The following ABTB1 variants were observed in gnomAD, a reference collection of about 807,000 sequenced individuals.
ABTB1 encodes the protein ankyrin repeat and BTB domain containing 1, also known as ankyrin repeat and BTB/POZ domain-containing protein 1.
Under a neutral mutation model 57.1 loss-of-function variants are expected in ABTB1, and 45 were observed. The observed-to-expected ratio is 0.79, with a 90% CI of 0.62 to 1.01. The LOEUF (loss-of-function observed/expected upper bound fraction) is 1.01, where lower values mean the gene tolerates loss of function less well. Among genes scored for constraint, ABTB1 ranks in the 50% least tolerant of loss-of-function variants. The probability of loss-of-function intolerance (pLI) is 0.00; values close to 1 mark genes in which losing one functional copy is unlikely to be tolerated. For synonymous variants in ABTB1, 302 were observed against 275.4 expected (o/e 1.10, Z -0.95); for missense variants, 630 against 666.3 (o/e 0.95, Z 0.60).
At position 127,672,977 on chromosome 3, in the gene ABTB1, G is replaced by C; in HGVS notation, c.-49G>C. Reference sequence around the variant, plus strand: ...GAGCGTGTTTACATCCGCCGGGTGCGCGGCTTCGCCGCCCGAGGTCGTTCG... The same window carrying C: ...GAGCGTGTTTACATCCGCCGGGTGCCCGGCTTCGCCGCCCGAGGTCGTTCG... On this transcript the variant is annotated 5_prime_UTR_variant, in exon 1 of 12. Coordinates refer to ENST00000232744, the MANE Select transcript of ABTB1 (RefSeq NM_172027.3). The C allele has an allele frequency of 1.3e-6, 2 of 1,518,170 alleles. No homozygotes were observed. Among genetic ancestry groups the C allele is most frequent in the South Asian group, 1.2e-5 (1 of 82,986 alleles). 94.0% of individuals were successfully genotyped at this position (1,518,170 alleles called of 1,614,324 possible).
Position 127,676,585 on chromosome 3 carries a change from AC to A in ABTB1, c.526+9del. 6.2e-7 allele frequency: 1 copy of A among 1,613,554 alleles called. No homozygotes were observed. The highest frequency in any genetic ancestry group is 8.5e-7 in the Non-Finnish European group (1 of 1,179,936). ...CTGCTGCAGTACCTGTACACAGGTG[AC>A]CCCCTGGGTCCAGGGTAGGAGGAGA... On this transcript the variant is annotated splice_donor_5th_base_variant and intron_variant, in intron 6 of 11. Coordinates refer to ENST00000232744, the MANE Select transcript of ABTB1 (RefSeq NM_172027.3). This position sits in a 1 kb window ranked among gnomAD's most constrained non-coding sequence, Gnocchi z 5.4.
Position 127,676,281 on chromosome 3 carries a change from G to A in ABTB1, c.330G>A (p.Glu110=). Residue 110 remains glutamate (E), a synonymous_variant, in exon 5 of 12, where the codon GAG becomes GAA. Coordinates refer to ENST00000232744, the MANE Select transcript of ABTB1 (RefSeq NM_172027.3). The surrounding 1 kb of genome is among the most constrained non-coding windows in gnomAD (Gnocchi z 5.4). The part of the protein sequence containing the change: ...YYDDFLQRLL[E]QGIHSDVVFV... Reference sequence around the variant, plus strand: ...GCTTGTCCCTCCCCAGGCTTCTAGAGCAGGGCATCCACAGTGACGTGGTCT... The same window carrying A: ...GCTTGTCCCTCCCCAGGCTTCTAGAACAGGGCATCCACAGTGACGTGGTCT... 1.2e-6 allele frequency: 2 copies of A among 1,613,516 alleles called. No homozygotes were observed. Among genetic ancestry groups the A allele is most frequent in the East Asian group, 2.2e-5 (1 of 44,850 alleles).
Position 127,677,245 on chromosome 3 carries a change from A to G in ABTB1, c.721A>G (p.Met241Val), listed in dbSNP as rs1302455652. 6.2e-7 allele frequency: 1 copy of G among 1,600,124 alleles called. No individual in the cohort carries two copies. The highest frequency in any genetic ancestry group is 2.3e-5 in the East Asian group (1 of 44,358). ...TGCAGACCCCCGCCTCCGGGAGGACATGGCGCTGCTGGCCGATTGTGCCCT... is the reference window on the plus strand; with the variant it reads ...TGCAGACCCCCGCCTCCGGGAGGACGTGGCGCTGCTGGCCGATTGTGCCCT... ...PPADPRLRED[M>V]ALLADCALPP... Residue 241 changes from methionine to valine, a missense_variant, in exon 8 of 12, where the codon ATG (methionine) becomes GTG (valine). By Grantham distance (21) the Met-to-Val change is conservative. Transcript: ENST00000232744.
chr3:127,677,174 C>A lies in ABTB1; in HGVS notation c.650C>A (p.Ser217Tyr). 1.2e-6 allele frequency: 2 copies of A among 1,613,484 alleles called. No homozygotes were observed. Among genetic ancestry groups the A allele is most frequent in the Non-Finnish European group, 1.7e-6 (2 of 1,179,818 alleles). Residue 217 changes from serine (S) to tyrosine (Y), a missense_variant, in exon 8 of 12, where the codon TCT becomes TAT. Ser to Tyr is a moderately radical substitution (Grantham distance 144). Transcript: ENST00000232744. ...KCEKVSEFVASKPGTCVKVLT... is the reference protein window; with the variant it reads ...KCEKVSEFVAYKPGTCVKVLT... ...AGTTGTTCTTCCCCTGTAGTGGCGT[C>A]TAAGCCAGGCACGTGTGTGAAGGTG...
Position 127,677,052 on chromosome 3 carries a change from G to A in ABTB1, c.612G>A (p.Leu204=), listed in dbSNP as rs2074999860. Residue 204 remains leucine (L), a synonymous_variant, in exon 7 of 12, where the codon CTG becomes CTA. Coordinates refer to ENST00000232744, the MANE Select transcript of ABTB1 (RefSeq NM_172027.3). ...AGCTGTGGGACCTGCTCAGCGACCT[G>A]GAGGCCAAGTGCGAGAAGGTGTCTG... is the stretch of plus-strand genomic sequence containing the variant. ...QCQLWDLLSD[L]EAKCEKVSEF... 6.2e-7 allele frequency: 1 copy of A among 1,614,022 alleles called. No homozygotes were observed. The highest frequency in any genetic ancestry group is 1.3e-5 in the African/African-American group (1 of 74,932).
At chr3:127,675,743 G>C (rs916778647) in intron 3 of ABTB1, 8 of 597,796 alleles carry the variant, frequency 1.3e-5, no homozygotes, top group Admixed American at 3.0e-5. Flanking sequence ...TGTGTTGTCT[G>C]TCTTCCGTGT....
intron 10 of ABTB1, chr3:127,679,151 G>T (rs184723159): frequency 1.1e-5 from 2 of 181,926 alleles, no homozygotes; most frequent in East Asian, 1.8e-4. Flanking sequence ...TGTGGCTTGG[G>T]CTCTTAACCT....
intron 3 of ABTB1, chr3:127,675,588 T>G (rs1056669144): frequency 8.9e-6 from 2 of 225,740 alleles, no homozygotes; most frequent in African/African-American, 4.4e-5. Flanking sequence ...CTTGTTTTTC[T>G]TAATAGTCCC....
At chr3:127,677,867 G>A (rs1481388704) in intron 10 of ABTB1, 24 bp downstream of exon 10, 1 of 1,607,532 alleles carries the variant, frequency 6.2e-7, no homozygotes, top group South Asian at 1.1e-5. Flanking sequence ...CAGAGCTGGG[G>A]ATGGCACACA....
chr3:127,673,135 C>T, intron 1 of ABTB1, 54 bp downstream of exon 1: 1 of 1,460,166 alleles, frequency 6.8e-7, no homozygotes, highest in Non-Finnish European at 9.1e-7. Flanking sequence ...CCTCGGAACG[C>T]CTCGGGCCCT....
intron 10 of ABTB1, 63 bp downstream of exon 10, chr3:127,677,906 C>T: frequency 8.9e-6 from 14 of 1,564,418 alleles, no homozygotes; most frequent in Non-Finnish European, 1.2e-5. Flanking sequence ...TGAGAGGGAG[C>T]GCCAGGGCCC....
intron 3 of ABTB1, among the ~76,000 whole-genome samples, chr3:127,674,839 G>C (rs532895810): frequency 6.6e-6 from 1 of 152,126 alleles, no homozygotes; most frequent in South Asian, 2.1e-4. Flanking sequence ...ATTTCTCCCC[G>C]GACACGGTGC....
Position 127,677,120 on chromosome 3 carries a change from G to A in ABTB1, c.643+37G>A, listed in dbSNP as rs375070847. 2.4e-5 allele frequency: 39 copies of A among 1,613,150 alleles called. 1 individual carries two copies. Among genetic ancestry groups the A allele is most frequent in the Middle Eastern group, 1.6e-4 (1 of 6,080 alleles). The stretch of plus-strand genomic sequence containing the variant: ...GTTTGGGGCCCGGGGCCATGGGTGC[G>A]GCCTGGCAGGGCTGGCCTGGCTCCC... On this transcript the variant is annotated intron_variant, in intron 7 of 11. Coordinates refer to ENST00000232744, the MANE Select transcript of ABTB1 (RefSeq NM_172027.3).
chr3:127,676,132 AGGGGTGCAGCAT>A lies in ABTB1; in HGVS notation c.320+26_320+37del, dbSNP rs1332224302. 3 of 1,612,414 alleles carry A rather than the reference AGGGGTGCAGCAT, an allele frequency of 1.9e-6. No homozygotes were observed. In the Admixed American group the frequency reaches 5.0e-5, roughly 27 times the overall value. On this transcript the variant is annotated intron_variant, in intron 4 of 11. Transcript: ENST00000232744. The surrounding 1 kb of genome is among the most constrained non-coding windows in gnomAD (Gnocchi z 5.4). ...TTGCAGCGGTGAGCCAGGGCACACG[AGGGGTGCAGCAT>A]GGGGTGCGGTGGCCCTGGTGGGTGT...
chr3:127,673,723 T>A (rs2074906706), intron 1 of ABTB1: 1 of 156,288 alleles, frequency 6.4e-6, no homozygotes, highest in East Asian at 1.9e-4. Flanking sequence ...CCACCTCCCC[T>A]GGGCTGGCGC....
chr3:127,679,587 C>T, intron 10 of ABTB1: 2 of 467,508 alleles, frequency 4.3e-6, no homozygotes, highest in South Asian at 3.1e-5. Flanking sequence ...CGCAGGTAGG[C>T]ATGGTTATCT....
intron 10 of ABTB1, chr3:127,678,065 G>C: frequency 2.5e-6 from 1 of 399,328 alleles, no homozygotes; most frequent in Non-Finnish European, 4.6e-6. Context: ...CTGTGTCACA[G>C]ACACTCCACA....
Position 127,674,616 on chromosome 3 carries a change from C to G in ABTB1, c.175+16C>G, listed in dbSNP as rs779632265. 3 of 1,614,118 alleles carry G rather than the reference C, an allele frequency of 1.9e-6. No homozygotes were observed. Among genetic ancestry groups the G allele is most frequent in the East Asian group, 4.5e-5 (2 of 44,876 alleles). On this transcript the variant is annotated intron_variant, in intron 3 of 11. Coordinates refer to ENST00000232744, the MANE Select transcript of ABTB1 (RefSeq NM_172027.3). ...CTGGCCAATGGTGAGAGCAGGGAGC[C>G]CGGCTCACGGGTGTGCGTGGGTGCA...
Position 127,677,271 on chromosome 3 carries a change from GC to G in ABTB1, c.753del (p.Glu252SerfsTer102). The G allele has an allele frequency of 6.3e-7, 1 of 1,590,482 alleles. No individual in the cohort carries two copies. Among genetic ancestry groups the G allele is most frequent in the South Asian group, 1.1e-5 (1 of 89,034 alleles). On this transcript the variant is annotated frameshift_variant, in exon 8 of 12. Transcript: ENST00000232744. LOFTEE classifies it high-confidence loss of function. The part of the protein sequence containing the change: ...DMALLADCAL[P>X]PELRGDLWEL... ...TGGCGCTGCTGGCCGATTGTGCCCTGCCCCCCGAGCTCCGAGTAAGTGCGGG... is the reference window on the plus strand; with the variant it reads ...TGGCGCTGCTGGCCGATTGTGCCCTGCCCCCGAGCTCCGAGTAAGTGCGGG...
Sources: gnomAD v4.1 joint callset for allele counts (sites outside exome capture counted in the v4.1 genomes callset) on GRCh38, gnomAD v4.1.1 for gene constraint, Gnocchi (gnomAD v3.1) non-coding constraint, MANE v1.5 for transcripts, NCBI Gene and HGNC (gene_info 2026-07-23, HGNC 2026-07-21) for gene names.